CCSER1: variants seen among roughly 807,000 people sequenced by gnomAD.
The protein encoded by CCSER1 is coiled-coil serine rich protein 1.
CCSER1 carries 41 observed loss-of-function variants against 82.0 expected under a neutral mutation model. The observed-to-expected ratio is 0.50, with a 90% CI of 0.39 to 0.65. CCSER1 has a LOEUF of 0.65. CCSER1 is among the 30% of genes least tolerant of loss of function. CCSER1 has a pLI of 0.00. For missense variants in CCSER1, 1,119 were observed against 1,064.2 expected (o/e 1.05, Z -0.72); for synonymous variants, 414 against 383.9 (o/e 1.08, Z -0.92).
At chr4:91,272,343 T>C (rs1742099387) in intron 10 of CCSER1, among the ~76,000 whole-genome samples, 1 of 152,244 alleles carries the variant, frequency 6.6e-6, no homozygotes, top group Admixed American at 6.5e-5. Context: ...TTCATTTCCC[T>C]GGTCATTAGT....
At chr4:90,183,610 A>G (rs1734086798) in intron 1 of CCSER1, among the ~76,000 whole-genome samples, 4 of 152,144 alleles carry the variant, frequency 2.6e-5, no homozygotes, top group Non-Finnish European at 5.9e-5. Flanking sequence ...TGAACAATGA[A>G]CTATGTTATA....
intron 9 of CCSER1, among the ~76,000 whole-genome samples, chr4:91,081,505 A>G (rs1318562891): frequency 6.6e-6 from 1 of 152,012 alleles, no homozygotes. Context: ...ATTGGCACAA[A>G]ACAGGGATGC....
At chr4:91,145,499 G>T (rs1239411773) in intron 10 of CCSER1, among the ~76,000 whole-genome samples, 5 of 152,082 alleles carry the variant, frequency 3.3e-5, no homozygotes, top group African/African-American at 1.2e-4. Flanking sequence ...CTGTCGTGTT[G>T]TTAGCTGGTT....
chr4:90,190,224 G>C (rs1303994868), intron 1 of CCSER1, among the ~76,000 whole-genome samples: 1 of 151,978 alleles, frequency 6.6e-6, no homozygotes, highest in East Asian at 1.9e-4. Flanking sequence ...AGAGAAAGGA[G>C]TCCTCCCAAA....
intron 7 of CCSER1, among the ~76,000 whole-genome samples, chr4:90,748,198 C>G (rs1225438565): frequency 1.8e-5 from 2 of 111,984 alleles, no homozygotes; most frequent in African/African-American, 6.9e-5. Flanking sequence ...CCCCCCACCC[C>G]ACAATAGTCC....
chr4:91,508,564 T>C (rs528792085), intron 10 of CCSER1, among the ~76,000 whole-genome samples: 15 of 151,914 alleles, frequency 9.9e-5, no homozygotes, highest in African/African-American at 2.7e-4. Flanking sequence ...TGTAGTTTTT[T>C]TTTTTTTTTC....
At chr4:90,524,337 T>G (rs1773485836) in intron 5 of CCSER1, among the ~76,000 whole-genome samples, 1 of 152,208 alleles carries the variant, frequency 6.6e-6, no homozygotes, top group Admixed American at 6.5e-5. Context: ...CATTTTAGCA[T>G]TCAGTGGTTA....
intron 8 of CCSER1, among the ~76,000 whole-genome samples, chr4:90,885,299 GA>G (rs1721954399): frequency 6.6e-6 from 1 of 152,068 alleles, no homozygotes; most frequent in African/African-American, 2.4e-5. Flanking sequence ...AAAAAGGAAG[GA>G]AAATGTGTTA....
chr4:91,085,909 C>T (rs776169829), intron 9 of CCSER1, 41 bp from the exon 10 acceptor site: 1 of 1,118,524 alleles, frequency 8.9e-7, no homozygotes, highest in Non-Finnish European at 1.3e-6. Context: ...TTATTTAATT[C>T]TTCGTTGCCA....
At chr4:91,275,030 C>T (rs564360376) in intron 10 of CCSER1, among the ~76,000 whole-genome samples, 18 of 151,826 alleles carry the variant, frequency 1.2e-4, no homozygotes, top group South Asian at 6.2e-4. Flanking sequence ...GGTGTGAGCC[C>T]GGGAGGCAGA....
At chr4:91,553,015 T>C (rs1176527260) in intron 10 of CCSER1, among the ~76,000 whole-genome samples, 1 of 151,686 alleles carries the variant, frequency 6.6e-6, no homozygotes, top group Non-Finnish European at 1.5e-5. Flanking sequence ...TGATTTGTTT[T>C]GTATTATATA....
At chr4:90,922,174 T>A (rs1397674613) in intron 8 of CCSER1, among the ~76,000 whole-genome samples, 1 of 152,040 alleles carries the variant, frequency 6.6e-6, no homozygotes, top group Non-Finnish European at 1.5e-5. Context: ...TTTTCTATAT[T>A]TCAGTAAGTT....
chr4:91,400,838 C>T (rs776131656), intron 10 of CCSER1, among the ~76,000 whole-genome samples: 35 of 151,576 alleles, frequency 2.3e-4, no homozygotes, highest in Admixed American at 1.8e-3. Flanking sequence ...ACCATTTTAT[C>T]CCCCTGAATT....
chr4:90,152,278 A>G (rs1727007780), intron 1 of CCSER1, among the ~76,000 whole-genome samples: 1 of 152,122 alleles, frequency 6.6e-6, no homozygotes, highest in African/African-American at 2.4e-5. Context: ...TCCAGAAGAG[A>G]CACTGACCCA....
At chr4:91,114,126 A>G (rs147812525) in intron 10 of CCSER1, among the ~76,000 whole-genome samples, 1,782 of 152,328 alleles carry the variant, frequency 0.012, 36 homozygotes, top group African/African-American at 0.04. Flanking sequence ...TGCTGGGATT[A>G]CAGGCTTGAG....
At chr4:91,031,144 G>A (rs1364794780) in intron 9 of CCSER1, among the ~76,000 whole-genome samples, 1 of 152,128 alleles carries the variant, frequency 6.6e-6, no homozygotes. Flanking sequence ...TCACGTTTAG[G>A]CAGTATACAA....
intron 10 of CCSER1, among the ~76,000 whole-genome samples, chr4:91,551,277 C>A (rs1762145650): frequency 6.6e-6 from 1 of 151,974 alleles, no homozygotes; most frequent in Non-Finnish European, 1.5e-5. Context: ...CTATACAGTG[C>A]CTTTATAGAT....
rs545841192 is a variant in CCSER1, at chr4:91,168,965, A to G, written c.2217+82971A>G. On this transcript the variant is annotated intron_variant, in intron 10 of 10. Transcript: ENST00000509176. ...GGGTTAAATGGATTAAGGGCGGTGC[A>G]AGATGTGCTTTGTTAAACAGATGCT... is the stretch of plus-strand genomic sequence containing the variant. Among the ~76,000 whole-genome samples the G allele has an allele frequency of 3.3e-5, 5 of 152,182 alleles. No individual in the cohort carries two copies. In the East Asian group the frequency reaches 9.7e-4, roughly 29 times the overall value.
At chr4:90,169,606 A>G (rs1331059945) in intron 1 of CCSER1, among the ~76,000 whole-genome samples, 2 of 152,104 alleles carry the variant, frequency 1.3e-5, no homozygotes, top group African/African-American at 2.4e-5. Context: ...GAAATAGAAT[A>G]TCATTTGAAA....
Sources: allele counts gnomAD v4.1 joint callset (sites outside exome capture counted in the v4.1 genomes callset), GRCh38; gene constraint gnomAD v4.1.1; transcripts MANE v1.5; gene names NCBI Gene and HGNC (gene_info 2026-07-23, HGNC 2026-07-21).